WDSUB1: variants seen among roughly 807,000 people sequenced by gnomAD.
WDSUB1 encodes the protein WD repeat, sterile alpha motif and U-box domain containing 1.
WDSUB1 carries 49 observed loss-of-function variants against 53.9 expected under a neutral mutation model. The ratio of observed to expected loss-of-function variants is 0.91; its 90% CI spans 0.72 to 1.15. The LOEUF is 1.15. Ranked by LOEUF, WDSUB1 falls within the 50% of genes most tolerant of loss-of-function variation. The probability of loss-of-function intolerance (pLI) is 0.00; values close to 1 mark genes in which losing one functional copy is unlikely to be tolerated. For missense variants in WDSUB1, 514 were observed against 562.0 expected (o/e 0.91, Z 0.86); for synonymous variants, 194 against 200.6 (o/e 0.97, Z 0.28).
chr2:159,242,526 G>A (rs2060683004), intron 10 of WDSUB1, among the ~76,000 whole-genome samples: 1 of 147,376 alleles, frequency 6.8e-6, no homozygotes, highest in Admixed American at 6.6e-5. Flanking sequence ...GCTGGGTGTG[G>A]TGGCACATGC....
chr2:159,266,012 C>G (rs914265499), intron 5 of WDSUB1, among the ~76,000 whole-genome samples: 4 of 152,182 alleles, frequency 2.6e-5, no homozygotes, highest in Non-Finnish European at 4.4e-5. Flanking sequence ...AACAATGCCA[C>G]TCTTTTCACT....
At chr2:159,246,644 A>G (rs899007449) in intron 10 of WDSUB1, among the ~76,000 whole-genome samples, 3 of 152,184 alleles carry the variant, frequency 2.0e-5, no homozygotes, top group Admixed American at 6.5e-5. Flanking sequence ...ACTCCTATAT[A>G]TTTAACCAAG....
Position 159,235,896 on chromosome 2 carries a change from T to G in WDSUB1, c.*137A>C. 3 of 863,226 alleles carry G rather than the reference T, an allele frequency of 3.5e-6. 1 individual carries two copies. Among genetic ancestry groups the G allele is most frequent in the Non-Finnish European group, 4.8e-6 (3 of 621,808 alleles). 53.5% of individuals were successfully genotyped at this position (863,226 alleles called of 1,614,324 possible). A position where few individuals can be genotyped will look rare whatever the true frequency, so the allele number is the denominator to read the frequency against. On this transcript the variant is annotated 3_prime_UTR_variant, in exon 11 of 11. Transcript: ENST00000359774. ...CATGTGTTTTTTAAAGAATGAAAAT[T>G]GACAATTTTTATAGGTAACTAAATT...
intron 3 of WDSUB1, among the ~76,000 whole-genome samples, chr2:159,276,261 C>T (rs966373665): frequency 1.3e-5 from 2 of 152,096 alleles, no homozygotes; most frequent in African/African-American, 2.4e-5. Context: ...GGGGTTTCCC[C>T]ATATTGGCCA....
At chr2:159,252,583 G>T (rs951592533) in intron 9 of WDSUB1, among the ~76,000 whole-genome samples, 1 of 152,170 alleles carries the variant, frequency 6.6e-6, no homozygotes, top group Non-Finnish European at 1.5e-5. Flanking sequence ...GGGGGTCATT[G>T]CACAGTAACT....
intron 2 of WDSUB1, among the ~76,000 whole-genome samples, chr2:159,281,584 G>A (rs978971948): frequency 2.0e-5 from 3 of 152,162 alleles, no homozygotes; most frequent in African/African-American, 7.2e-5. Context: ...CAGGCATGAG[G>A]TTCCTTCTTC....
Position 159,256,184 on chromosome 2 carries a change from CACTAAGCTT to C in WDSUB1, c.1132+3_1132+11del. The C allele has an allele frequency of 1.3e-6, 2 of 1,588,094 alleles. No homozygotes were observed. The highest frequency in any genetic ancestry group is 1.7e-6 in the Non-Finnish European group (2 of 1,170,906). On this transcript the variant is annotated splice_donor_5th_base_variant and intron_variant, in intron 9 of 10. Transcript: ENST00000359774. ...GTTGTTTTGAAGATTGCCTATCTTT[CACTAAGCTT>C]ACCAATTTTCAAATCATCAGCCAGA... is the stretch of plus-strand genomic sequence containing the variant.
rs2061698047 is a variant in WDSUB1 at position 159,282,899 on chromosome 2, G to T, written c.171C>A (p.Val57=). The T allele has an allele frequency of 1.2e-6, 2 of 1,614,082 alleles. No individual in the cohort carries two copies. Among genetic ancestry groups the T allele is most frequent in the African/African-American group, 2.7e-5 (2 of 74,924 alleles). The part of the protein sequence containing the change: ...HSPLKFHTYA[V]HCCCFSPSGH... The stretch of plus-strand genomic sequence containing the variant: ...CTGAAGGGGAGAAACAGCAGCAGTG[G>T]ACAGCATAGGTATGAAACTTCAATG... The change falls in exon 2 of 11, where the codon GTC becomes GTA. Residue 57 remains valine (V), a synonymous_variant. Transcript: ENST00000359774.
chr2:159,248,394 C>T lies in WDSUB1; in HGVS notation c.1251G>A (p.Met417Ile). ...TACCTGATGCGATGACCGGATCTTT[C>T]ATAAGTTCTCTAGTTATTGGACATA... is the stretch of plus-strand genomic sequence containing the variant. ...EFICPITREL[M>I]KDPVIASDGY... Residue 417 changes from methionine to isoleucine, a missense_variant, in exon 10 of 11, where the codon ATG becomes ATA. By Grantham distance (10) the Met-to-Ile change is conservative. Coordinates refer to ENST00000359774, the MANE Select transcript of WDSUB1 (RefSeq NM_001128212.3). 1 of 1,612,230 alleles carries T rather than the reference C, an allele frequency of 6.2e-7. No individual in the cohort carries two copies. Among genetic ancestry groups the T allele is most frequent in the Non-Finnish European group, 8.5e-7 (1 of 1,179,308 alleles).
intron 2 of WDSUB1, 104 bp from the exon 3 acceptor site, chr2:159,280,049 T>C: frequency 1.9e-6 from 2 of 1,058,364 alleles, no homozygotes; most frequent in Non-Finnish European, 2.6e-6. Flanking sequence ...TAAATGGCTA[T>C]CACAGAACTA....
chr2:159,240,575 T>C (rs1559523220), intron 10 of WDSUB1, among the ~76,000 whole-genome samples: 2 of 152,232 alleles, frequency 1.3e-5, no homozygotes, highest in East Asian at 1.9e-4. Context: ...GAAGTGCTTA[T>C]TGCCAAACAG....
intron 5 of WDSUB1, among the ~76,000 whole-genome samples, chr2:159,262,758 C>G (rs997086594): frequency 6.6e-6 from 1 of 152,138 alleles, no homozygotes; most frequent in Non-Finnish European, 1.5e-5. Context: ...TAAAAGCCAA[C>G]TTACATAGAC....
intron 5 of WDSUB1, among the ~76,000 whole-genome samples, chr2:159,265,317 ACT>A (rs1553457447): frequency 9.2e-4 from 134 of 145,124 alleles, no homozygotes; most frequent in Admixed American, 1.3e-3. Context: ...ACACACACAC[ACT>A]CACTCTCTCT....
intron 10 of WDSUB1, among the ~76,000 whole-genome samples, chr2:159,237,480 C>T (rs542901409): frequency 3.3e-5 from 5 of 151,600 alleles, no homozygotes; most frequent in African/African-American, 1.2e-4. Context: ...GAGATCGCAC[C>T]ACTGCACTCC....
chr2:159,263,416 G>T (rs1318107483), intron 5 of WDSUB1, among the ~76,000 whole-genome samples: 1 of 152,228 alleles, frequency 6.6e-6, no homozygotes, highest in Non-Finnish European at 1.5e-5. Context: ...AGAATGAGGT[G>T]AGGGGAGAGA....
In WDSUB1 at chr2:159,256,255, A is replaced by G. The variant is rs766578742; in HGVS notation, c.1073T>C (p.Ile358Thr). The stretch of plus-strand genomic sequence containing the variant: ...AAGATTCAACAGTTCTTTTCCATCA[A>G]TGTTATTCATCTTGAAAATACCAAC... Reference protein sequence around the residue: ...DLVGIFKMNNIDGKELLNLTK... With the variant: ...DLVGIFKMNNTDGKELLNLTK... The change falls in exon 9 of 11, where the codon ATT (isoleucine) becomes ACT (threonine). Residue 358 changes from isoleucine to threonine, a missense_variant. Coordinates refer to ENST00000359774, the MANE Select transcript of WDSUB1 (RefSeq NM_001128212.3). 4 of 1,611,746 alleles carry G rather than the reference A, an allele frequency of 2.5e-6. No individual in the cohort carries two copies. The highest frequency in any genetic ancestry group is 1.3e-5 in the African/African-American group (1 of 74,938).
At chr2:159,259,902 G>C in intron 5 of WDSUB1, 59 bp from the exon 6 acceptor site, 1 of 1,395,876 alleles carries the variant, frequency 7.2e-7, no homozygotes, top group South Asian at 1.4e-5. Context: ...CAGCATTTAT[G>C]TAATTAGTAT....
intron 1 of WDSUB1, 101 bp from the exon 2 acceptor site, chr2:159,283,194 A>G: frequency 1.0e-6 from 1 of 998,566 alleles, no homozygotes; most frequent in Non-Finnish European, 1.4e-6. Flanking sequence ...TGCTCAATGA[A>G]AGCTTCTACA....
chr2:159,257,590 G>A (rs2061092499), intron 8 of WDSUB1, among the ~76,000 whole-genome samples, 168 bp downstream of exon 8: 1 of 151,982 alleles, frequency 6.6e-6, no homozygotes, highest in African/African-American at 2.4e-5. Context: ...GTTTCACCAT[G>A]TTGGCCAGGC....
Sources: allele counts gnomAD v4.1 joint callset (sites outside exome capture counted in the v4.1 genomes callset), GRCh38; gene constraint gnomAD v4.1.1; transcripts MANE v1.5; gene names NCBI Gene and HGNC (gene_info 2026-07-23, HGNC 2026-07-21).